The following NRXN3 variants were observed in gnomAD, a reference collection of about 807,000 sequenced individuals.
NRXN3 encodes the protein neurexin 3.
A neutral mutation model predicts 137.6 loss-of-function variants in NRXN3; 32 were observed. That is an observed-to-expected ratio of 0.23 (90% CI 0.18 to 0.31). The LOEUF is 0.31. Ranked by LOEUF, NRXN3 falls within the 10% of genes least tolerant of loss-of-function variation. The pLI is 1.00. For missense variants in NRXN3, 1,574 were observed against 2,062.5 expected (o/e 0.76, Z 4.59); for synonymous variants, 798 against 784.5 (o/e 1.02, Z -0.29).
intron 10 of NRXN3, among the ~76,000 whole-genome samples, chr14:78,916,056 T>C (rs903843882): frequency 3.9e-5 from 6 of 152,016 alleles, no homozygotes; most frequent in African/African-American, 1.4e-4. Context: ...GAGTCTTGAG[T>C]GTCTTGTCCA....
chr14:79,599,114 A>C lies in NRXN3; in HGVS notation c.3445-64664A>C, dbSNP rs186648857. On this transcript the variant is annotated intron_variant, in intron 16 of 20. Coordinates refer to ENST00000335750, the MANE Select transcript of NRXN3 (RefSeq NM_001330195.2). ...TATTCAGTACCGAGCTCCCTTTTGA[A>C]AACTGGGCCATCATTTCCCAACCTC... Among the ~76,000 whole-genome samples the C allele has an allele frequency of 1.3e-3, 192 of 152,290 alleles. 3 individuals are homozygous for C. Among genetic ancestry groups the C allele is most frequent in the Admixed American group, 5.7e-3 (87 of 15,304 alleles).
At chr14:79,759,457 C>G (rs931827139) in intron 19 of NRXN3, among the ~76,000 whole-genome samples, 1 of 151,272 alleles carries the variant, frequency 6.6e-6, no homozygotes, top group South Asian at 2.1e-4. Context: ...AAAAAAAATA[C>G]CTTACGTATA....
chr14:78,475,300 G>A (rs1275586461), intron 4 of NRXN3, among the ~76,000 whole-genome samples: 1 of 152,172 alleles, frequency 6.6e-6, no homozygotes, highest in Non-Finnish European at 1.5e-5. Flanking sequence ...TCCCGCAGAG[G>A]TTAGCATGGT....
chr14:78,729,618 T>C (rs1386714180), intron 8 of NRXN3, among the ~76,000 whole-genome samples: 1 of 152,188 alleles, frequency 6.6e-6, no homozygotes, highest in Non-Finnish European at 1.5e-5. Context: ...AGCTCAAAAC[T>C]TTTGGCTCAT....
At chr14:78,763,615 A>G (rs921803791) in intron 8 of NRXN3, among the ~76,000 whole-genome samples, 3 of 152,164 alleles carry the variant, frequency 2.0e-5, no homozygotes, top group African/African-American at 7.2e-5. Flanking sequence ...TGATGGTGAT[A>G]TGATTGACAG....
chr14:78,523,704 C>G lies in NRXN3; in HGVS notation c.758-121416C>G, dbSNP rs202142001. Among the ~76,000 whole-genome samples the G allele has an allele frequency of 1.9e-4, 27 of 145,432 alleles. No individual in the cohort carries two copies. In the East Asian group the frequency reaches 4.8e-3, roughly 26 times the overall value. On this transcript the variant is annotated intron_variant, in intron 4 of 20. Transcript: ENST00000335750. ...TTGTGGCAGGTGCCTATAGTCCCAG[C>G]TACTTGGGAGGCTGAGGCAGGAGAA... is the stretch of plus-strand genomic sequence containing the variant.
intron 15 of NRXN3, among the ~76,000 whole-genome samples, chr14:79,145,254 C>T (rs944415410): frequency 1.3e-5 from 2 of 152,162 alleles, no homozygotes; most frequent in African/African-American, 4.8e-5. Flanking sequence ...TGAAATTTTA[C>T]ATCTTTTGAT....
intron 16 of NRXN3, among the ~76,000 whole-genome samples, chr14:79,624,999 A>G (rs1476732747): frequency 6.6e-6 from 1 of 151,768 alleles, no homozygotes; most frequent in Non-Finnish European, 1.5e-5. Context: ...AGGTCTCACT[A>G]TGTTTCCCAG....
intron 20 of NRXN3, among the ~76,000 whole-genome samples, chr14:79,814,087 A>C (rs1403144210): frequency 6.6e-6 from 1 of 152,224 alleles, no homozygotes; most frequent in Admixed American, 6.5e-5. Context: ...AGGCTAACCC[A>C]GCAAGTCCAG....
chr14:78,519,447 A>G (rs1041276875), intron 4 of NRXN3, among the ~76,000 whole-genome samples: 2 of 152,152 alleles, frequency 1.3e-5, no homozygotes, highest in African/African-American at 2.4e-5. Flanking sequence ...TTTAGGAAGC[A>G]TTTTATTGAA....
intron 8 of NRXN3, among the ~76,000 whole-genome samples, chr14:78,778,673 T>TC (rs1491528103): frequency 1.4e-5 from 2 of 144,112 alleles, no homozygotes; most frequent in East Asian, 4.2e-4. Context: ...TTCTTTTCTC[T>TC]TTTCTTTTCT....
At chr14:79,471,265 C>T (rs2096503430) in intron 16 of NRXN3, among the ~76,000 whole-genome samples, 1 of 152,046 alleles carries the variant, frequency 6.6e-6, no homozygotes, top group African/African-American at 2.4e-5. Flanking sequence ...TTCTCAGTGC[C>T]TCACTCTCTC....
At chr14:78,362,627 TTATCC>T (rs1185538975) in intron 4 of NRXN3, among the ~76,000 whole-genome samples, 1 of 152,220 alleles carries the variant, frequency 6.6e-6, no homozygotes, top group Non-Finnish European at 1.5e-5. Context: ...AATTATTAAC[TTATCC>T]TATCTCTTTT....
At chr14:79,851,698 C>G (rs2099391790) in intron 20 of NRXN3, among the ~76,000 whole-genome samples, 1 of 152,082 alleles carries the variant, frequency 6.6e-6, no homozygotes, top group Non-Finnish European at 1.5e-5. Context: ...TTAATGTTCT[C>G]AACGAGATAT....
chr14:78,195,514 G>T (rs1053027324), intron 1 of NRXN3, among the ~76,000 whole-genome samples: 16 of 152,192 alleles, frequency 1.1e-4, no homozygotes, highest in South Asian at 2.1e-4. Context: ...TGACTGCCAG[G>T]AAGGAAATAA....
chr14:78,633,524 C>A (rs1270582888), intron 4 of NRXN3, among the ~76,000 whole-genome samples: 3 of 152,112 alleles, frequency 2.0e-5, no homozygotes, highest in African/African-American at 7.2e-5. Flanking sequence ...TTATTTCAGA[C>A]CCTGGGAATT....
At chr14:78,396,567 TC>T (rs2091478431) in intron 4 of NRXN3, among the ~76,000 whole-genome samples, 1 of 152,224 alleles carries the variant, frequency 6.6e-6, no homozygotes, top group Non-Finnish European at 1.5e-5. Context: ...TGTTGAGTTT[TC>T]CTAATTCCTG....
chr14:78,266,588 A>C (rs773994441), intron 2 of NRXN3, among the ~76,000 whole-genome samples: 24 of 152,068 alleles, frequency 1.6e-4, no homozygotes, highest in Admixed American at 2.6e-4. Flanking sequence ...TGAGCCACCA[A>C]GCCCAGCCTA....
chr14:79,657,803 A>G (rs184374498), intron 16 of NRXN3, among the ~76,000 whole-genome samples: 2 of 152,332 alleles, frequency 1.3e-5, no homozygotes, highest in East Asian at 3.9e-4. Context: ...TATAAAGCAT[A>G]GTGAGATGTT....
Sources: gnomAD v4.1 joint callset for allele counts (sites outside exome capture counted in the v4.1 genomes callset) on GRCh38, gnomAD v4.1.1 for gene constraint, MANE v1.5 for transcripts, NCBI Gene and HGNC (gene_info 2026-07-23, HGNC 2026-07-21) for gene names.